Variants in CHCHD6 observed in about 807,000 individuals in gnomAD.
CHCHD6 encodes the protein coiled-coil-helix-coiled-coil-helix domain containing 6.
In CHCHD6, 28 loss-of-function variants were observed where a neutral mutation model predicts 32.3. The observed-to-expected ratio is 0.87, with a 90% confidence interval of 0.64 to 1.19. CHCHD6 has a LOEUF of 1.19. CHCHD6 is among the 50% of genes most tolerant of loss of function. The pLI is 0.00. For missense variants in CHCHD6, 333 were observed against 307.0 expected (o/e 1.08, Z -0.63); for synonymous variants, 122 against 117.5 (o/e 1.04, Z -0.25).
intron 4 of CHCHD6, among the ~76,000 whole-genome samples, chr3:126,823,070 C>T (rs1233653833): frequency 6.6e-6 from 1 of 151,836 alleles, no homozygotes; most frequent in Non-Finnish European, 1.5e-5. Flanking sequence ...CACACCCTGC[C>T]AGTTGTTTTG....
intron 4 of CHCHD6, among the ~76,000 whole-genome samples, chr3:126,801,977 ACT>A (rs1054472038): frequency 3.1e-4 from 47 of 152,182 alleles, no homozygotes; most frequent in African/African-American, 1.1e-3. Flanking sequence ...CCTCTAGCAA[ACT>A]CCAACAGATC....
At chr3:126,795,707 A>G (rs1938760429) in intron 4 of CHCHD6, among the ~76,000 whole-genome samples, 1 of 152,164 alleles carries the variant, frequency 6.6e-6, no homozygotes. Context: ...TGAAGGTTAA[A>G]TAATGACCCT....
intron 4 of CHCHD6, among the ~76,000 whole-genome samples, chr3:126,787,395 A>G (rs902698204): frequency 6.6e-6 from 1 of 152,188 alleles, no homozygotes; most frequent in African/African-American, 2.4e-5. Context: ...GATGGCATTG[A>G]ATCTATAAGT....
intron 4 of CHCHD6, among the ~76,000 whole-genome samples, chr3:126,834,020 C>T (rs1940749142): frequency 7.6e-6 from 1 of 131,822 alleles, no homozygotes; most frequent in Non-Finnish European, 1.5e-5. Flanking sequence ...CGCCACTGCA[C>T]TCCAGACTGG....
At chr3:126,835,507 A>T (rs1454404842) in intron 4 of CHCHD6, among the ~76,000 whole-genome samples, 1 of 152,128 alleles carries the variant, frequency 6.6e-6, no homozygotes. Context: ...TTCTCTGGGC[A>T]TGGAAGACCA....
intron 4 of CHCHD6, among the ~76,000 whole-genome samples, chr3:126,761,608 A>G (rs187428360): frequency 1.3e-5 from 2 of 152,054 alleles, no homozygotes. Context: ...TTATTTTTTA[A>G]TAGGGACAGG....
At chr3:126,807,282 T>C (rs1939441216) in intron 4 of CHCHD6, among the ~76,000 whole-genome samples, 1 of 151,186 alleles carries the variant, frequency 6.6e-6, no homozygotes, top group South Asian at 2.1e-4. Context: ...AGGGAACAGA[T>C]AATGCAGAGG....
chr3:126,801,335 T>C lies in CHCHD6; in HGVS notation c.412-51312T>C, dbSNP rs189038738. 1.3e-3 allele frequency among the ~76,000 whole-genome samples: 201 copies of C among 152,316 alleles called. 2 individuals carry two copies. The highest frequency in any genetic ancestry group is 0.01 in the Middle Eastern group (3 of 294). ...AAGGAAAGGGGTGACAGACGGCACC[T>C]GGAAAATCGGGTCACTCCCACCCGA... On this transcript the variant is annotated intron_variant, in intron 4 of 7. Transcript: ENST00000290913.
At chr3:126,735,127 G>A (rs1042109846) in intron 4 of CHCHD6, among the ~76,000 whole-genome samples, 2 of 152,138 alleles carry the variant, frequency 1.3e-5, no homozygotes, top group African/African-American at 4.8e-5. Context: ...TCCTGGAGAT[G>A]ACGCGTTAAT....
At chr3:126,886,500 C>T (rs1289501412) in intron 5 of CHCHD6, among the ~76,000 whole-genome samples, 6 of 152,208 alleles carry the variant, frequency 3.9e-5, no homozygotes, top group African/African-American at 9.6e-5. Context: ...GCAGTGCTTA[C>T]GTTCACCTAA....
intron 6 of CHCHD6, among the ~76,000 whole-genome samples, chr3:126,937,343 G>T (rs2078495116): frequency 6.6e-6 from 1 of 152,244 alleles, no homozygotes; most frequent in Admixed American, 6.5e-5. Context: ...CCAGGAAGAA[G>T]CAGCCTGGGT....
intron 1 of CHCHD6, among the ~76,000 whole-genome samples, chr3:126,718,177 AC>A (rs1935111655): frequency 2.6e-5 from 4 of 152,250 alleles, no homozygotes; most frequent in Admixed American, 1.3e-4. Flanking sequence ...TTGCAAAGCT[AC>A]ATGGAGAGCA....
At chr3:126,866,656 AT>A (rs1161453180) in intron 5 of CHCHD6, among the ~76,000 whole-genome samples, 4 of 152,168 alleles carry the variant, frequency 2.6e-5, no homozygotes, top group Non-Finnish European at 5.9e-5. Flanking sequence ...TCTGTATTAA[AT>A]CACCTACAAT....
At chr3:126,879,551 C>T (rs1422433738) in intron 5 of CHCHD6, among the ~76,000 whole-genome samples, 3 of 152,220 alleles carry the variant, frequency 2.0e-5, no homozygotes, top group Non-Finnish European at 4.4e-5. Context: ...CAAAAGTTAT[C>T]AGTTTCACAA....
intron 4 of CHCHD6, among the ~76,000 whole-genome samples, chr3:126,825,783 A>G (rs1348184926): frequency 6.6e-6 from 1 of 152,178 alleles, no homozygotes; most frequent in Admixed American, 6.5e-5. Context: ...CTTTATAGTT[A>G]AAGGTGTATC....
At chr3:126,857,226 G>C (rs1359211247) in intron 5 of CHCHD6, among the ~76,000 whole-genome samples, 1 of 152,178 alleles carries the variant, frequency 6.6e-6, no homozygotes, top group African/African-American at 2.4e-5. Flanking sequence ...CCCATATGCA[G>C]GCTTCCTGTG....
At chr3:126,902,004 C>G (rs577317639) in intron 5 of CHCHD6, among the ~76,000 whole-genome samples, 24 of 152,222 alleles carry the variant, frequency 1.6e-4, no homozygotes, top group Admixed American at 6.5e-5. Context: ...AACAGGAACG[C>G]GCAAGTTAAG....
At chr3:126,738,653 A>C (rs544830320) in intron 4 of CHCHD6, among the ~76,000 whole-genome samples, 2 of 152,136 alleles carry the variant, frequency 1.3e-5, no homozygotes, top group Admixed American at 1.3e-4. Flanking sequence ...TACTGCTTTG[A>C]AGCCCGCTGT....
At chr3:126,930,737 A>G (rs2078391824) in intron 6 of CHCHD6, among the ~76,000 whole-genome samples, 1 of 152,202 alleles carries the variant, frequency 6.6e-6, no homozygotes, top group African/African-American at 2.4e-5. Context: ...CTGAGTAAGG[A>G]AACCTCTATC....
Sources: allele counts gnomAD v4.1 joint callset (sites outside exome capture counted in the v4.1 genomes callset), GRCh38; gene constraint gnomAD v4.1.1; transcripts MANE v1.5; gene names NCBI Gene and HGNC (gene_info 2026-07-23, HGNC 2026-07-21).